The following CYP3A5 variants were observed in gnomAD, a reference collection of about 807,000 sequenced individuals.
CYP3A5 encodes cytochrome P450 family 3 subfamily A member 5.
In CYP3A5, 51 loss-of-function variants were observed where a neutral mutation model predicts 55.9. That is an observed-to-expected ratio of 0.91 (90% CI 0.73 to 1.15). The LOEUF is 1.15. Among genes scored for constraint, CYP3A5 ranks in the 50% most tolerant of loss-of-function variants. CYP3A5 has a pLI of 0.00. For synonymous variants in CYP3A5, 196 were observed against 213.9 expected, an observed-to-expected ratio of 0.92 and a Z score of 0.73; for missense variants, 533 against 596.6, an observed-to-expected ratio of 0.89 and a Z score of 1.11.
chr7:99,671,778 A>C lies in CYP3A5; in HGVS notation c.318+802T>G, dbSNP rs6957030. 2,162 of 702,444 alleles carry C rather than the reference A, an allele frequency of 3.1e-3. 37 individuals are homozygous for C. The African/African-American group carries it at 0.034, about 11-fold the overall frequency. The allele number at this position is 702,444 out of a possible 1,614,324, so 43.5% of individuals were successfully genotyped here. ...TTTGCTCTGATATAGAACCTGTCAG[A>C]GAAAAAGACAAACTCCATGTTGTGA... is the stretch of plus-strand genomic sequence containing the variant. On this transcript the variant is annotated intron_variant, in intron 4 of 12. Coordinates refer to ENST00000222982, the MANE Select transcript of CYP3A5 (RefSeq NM_000777.5).
At chr7:99,665,351 C>A (rs753043532) in intron 6 of CYP3A5, 37 bp from the exon 7 acceptor site, 5 of 1,612,418 alleles carry the variant, frequency 3.1e-6, no homozygotes, top group Non-Finnish European at 3.4e-6. Context: ...AAAATCAGCA[C>A]CTCTTACCGT....
rs761169488 is a variant in CYP3A5, at chr7:99,663,963, T to G, written c.798+5A>C. On this transcript the variant is annotated splice_donor_5th_base_variant and intron_variant, in intron 8 of 12. Transcript: ENST00000222982. ...CATCGTCATTTAACCACCATCAGATTTTACCTTTTGTTTGTCGTTGAGGCG... is the reference window on the plus strand; with the variant it reads ...CATCGTCATTTAACCACCATCAGATGTTACCTTTTGTTTGTCGTTGAGGCG... 6.3e-7 allele frequency: 1 copy of G among 1,581,476 alleles called. No individual in the cohort carries two copies. The highest frequency in any genetic ancestry group is 8.5e-7 in the Non-Finnish European group (1 of 1,171,712).
chr7:99,676,491 G>A, intron 1 of CYP3A5: 1 of 1,395,572 alleles, frequency 7.2e-7, no homozygotes, highest in Non-Finnish European at 9.5e-7. Flanking sequence ...GCTCCTGAGA[G>A]GTTCAGGCAG....
chr7:99,674,101 T>A (rs1811979941), intron 3 of CYP3A5: 2 of 153,932 alleles, frequency 1.3e-5, no homozygotes, highest in South Asian at 4.1e-4. Context: ...GAAACAAAAC[T>A]ATTACAAAAG....
At chr7:99,659,925 A>G (rs1461158227) in intron 10 of CYP3A5, 2 of 152,610 alleles carry the variant, frequency 1.3e-5, no homozygotes, top group Non-Finnish European at 1.5e-5. Flanking sequence ...CCATCAGAAA[A>G]GCGCAGTATT....
rs1241244504 is a variant in CYP3A5, at chr7:99,676,123, A to G, written c.157T>C (p.Tyr53His). ...PLPLLGNVLS[Y>H]RQGLWKFDTE... ...AAGCTCAAGCAACTCACCTGACGAT[A>G]GGACAAAACATTTCCCAACAAAGGC... is the stretch of plus-strand genomic sequence containing the variant. The change falls in exon 2 of 13, where the codon TAT (tyrosine) becomes CAT (histidine). Residue 53 changes from tyrosine to histidine, a missense_variant. Coordinates refer to ENST00000222982, the MANE Select transcript of CYP3A5 (RefSeq NM_000777.5). 1.7e-5 allele frequency: 27 copies of G among 1,613,508 alleles called. No individual in the cohort carries two copies. The highest frequency in any genetic ancestry group is 2.0e-5 in the Non-Finnish European group (24 of 1,179,752).
intron 10 of CYP3A5, among the ~76,000 whole-genome samples, chr7:99,656,089 T>A (rs1809697664): frequency 6.6e-6 from 1 of 152,226 alleles, no homozygotes; most frequent in Non-Finnish European, 1.5e-5. Flanking sequence ...CTTGCCTGAT[T>A]GCCCTGGCCA....
intron 4 of CYP3A5, chr7:99,671,207 C>G (rs1184421037): frequency 6.5e-6 from 1 of 154,020 alleles, no homozygotes; most frequent in Non-Finnish European, 1.4e-5. Context: ...CACTGTGGCC[C>G]AGGGAAGCCA....
At chr7:99,652,897 T>G (rs1809331460) in intron 10 of CYP3A5, 118 bp from the exon 11 acceptor site, 1 of 737,796 alleles carries the variant, frequency 1.4e-6, no homozygotes, top group African/African-American at 1.8e-5. Flanking sequence ...TGGTAAATGA[T>G]CATAGTATTC....
chr7:99,679,548 T>G (rs989287882), intron 1 of CYP3A5, among the ~76,000 whole-genome samples: 1 of 152,192 alleles, frequency 6.6e-6, no homozygotes, highest in Admixed American at 6.5e-5. Context: ...TTGATTAGTC[T>G]TCGTCAGATC....
intron 11 of CYP3A5, among the ~76,000 whole-genome samples, chr7:99,650,963 T>C (rs1809121871): frequency 6.6e-6 from 1 of 152,242 alleles, no homozygotes; most frequent in Non-Finnish European, 1.5e-5. Flanking sequence ...GATTTCTAAA[T>C]ATTTGATTAT....
rs963831892 is a variant in CYP3A5 at position 99,662,941 on chromosome 7, T to C, written c.799-59A>G. 3 of 1,606,826 alleles carry C rather than the reference T, an allele frequency of 1.9e-6. No individual in the cohort carries two copies. Among genetic ancestry groups the C allele is most frequent in the Non-Finnish European group, 2.6e-6 (3 of 1,175,688 alleles). On this transcript the variant is annotated intron_variant, in intron 8 of 12. Transcript: ENST00000222982. This position sits in a 1 kb window ranked among gnomAD's most constrained non-coding sequence, Gnocchi z 4.3. The stretch of plus-strand genomic sequence containing the variant: ...AGTGACTCGTGAAGTCAGAAGTAAA[T>C]CAAAAGTGCAGTCCTCAACCTCCCT...
chr7:99,648,491 C>G, intron 12 of CYP3A5, 91 bp from the exon 13 acceptor site: 3 of 671,796 alleles, frequency 4.5e-6, no homozygotes, highest in Non-Finnish European at 7.2e-6. Flanking sequence ...GACAAAAATG[C>G]TTTGCAAGCA....
At chr7:99,654,310 C>G (rs1809490714) in intron 10 of CYP3A5, among the ~76,000 whole-genome samples, 1 of 152,106 alleles carries the variant, frequency 6.6e-6, no homozygotes, top group African/African-American at 2.4e-5. Context: ...CAATTCCCAC[C>G]TACGAGTGAG....
rs1810563171 is a variant in CYP3A5 at position 99,662,588 on chromosome 7, T to C, written c.865+228A>G. On this transcript the variant is annotated intron_variant, in intron 9 of 12. Coordinates refer to ENST00000222982, the MANE Select transcript of CYP3A5 (RefSeq NM_000777.5). The surrounding 1 kb of genome is among the most constrained non-coding windows in gnomAD (Gnocchi z 4.3). The stretch of plus-strand genomic sequence containing the variant: ...GTGATCCACAAACCACTGACTGTCC[T>C]CCAAGCATTCTAGGTTTGCTTAGGG... 6.6e-6 allele frequency among the ~76,000 whole-genome samples: 1 copy of C among 152,182 alleles called. No individual in the cohort carries two copies. The highest frequency in any genetic ancestry group is 1.5e-5 in the Non-Finnish European group (1 of 68,032).
At position 99,657,055 on chromosome 7, in the gene CYP3A5, G is replaced by A. The variant is rs536514965; in HGVS notation, c.1026+3444C>T. Among the ~76,000 whole-genome samples the A allele has an allele frequency of 2.0e-5, 3 of 152,060 alleles. No individual in the cohort carries two copies. In the East Asian group the frequency reaches 5.8e-4, roughly 29 times the overall value. On this transcript the variant is annotated intron_variant, in intron 10 of 12. Coordinates refer to ENST00000222982, the MANE Select transcript of CYP3A5 (RefSeq NM_000777.5). Reference sequence around the variant, plus strand: ...AGCTCCTGGATTCATTGATTTTTTTGAAGGGTTTTTTTGTGTCTCTGTTTC... The same window carrying A: ...AGCTCCTGGATTCATTGATTTTTTTAAAGGGTTTTTTTGTGTCTCTGTTTC...
At position 99,662,501 on chromosome 7, in the gene CYP3A5, A is replaced by G. The variant is rs1810553468; in HGVS notation, c.865+315T>C. 6.6e-6 allele frequency among the ~76,000 whole-genome samples: 1 copy of G among 152,214 alleles called. No homozygotes were observed. Among genetic ancestry groups the G allele is most frequent in the Non-Finnish European group, 1.5e-5 (1 of 68,038 alleles). On this transcript the variant is annotated intron_variant, in intron 9 of 12. Transcript: ENST00000222982. The surrounding 1 kb of genome is among the most constrained non-coding windows in gnomAD (Gnocchi z 4.3). ...TCGGTATGTTTGATATAAATTTCCA[A>G]GTAGAGGTTCTCACTTGGTGGATCT... is the stretch of plus-strand genomic sequence containing the variant.
intron 9 of CYP3A5, 111 bp from the exon 10 acceptor site, chr7:99,660,770 A>C: frequency 7.5e-7 from 1 of 1,325,518 alleles, no homozygotes; most frequent in Non-Finnish European, 1.0e-6. Flanking sequence ...ATGGAAAAGC[A>C]ATTCAAAGTC....
intron 6 of CYP3A5, among the ~76,000 whole-genome samples, chr7:99,665,751 C>G (rs1267896785): frequency 6.6e-6 from 1 of 152,210 alleles, no homozygotes; most frequent in Non-Finnish European, 1.5e-5. Context: ...AATTCCTCTT[C>G]AACACTTTAC....
Sources: gnomAD v4.1 joint callset for allele counts (sites outside exome capture counted in the v4.1 genomes callset) on GRCh38, gnomAD v4.1.1 for gene constraint, Gnocchi (gnomAD v3.1) non-coding constraint, MANE v1.5 for transcripts, NCBI Gene and HGNC (gene_info 2026-07-23, HGNC 2026-07-21) for gene names.